Variants in WDR7 observed in about 807,000 individuals in gnomAD.
WDR7 encodes WD repeat-containing protein 7.
WDR7 carries 46 observed loss-of-function variants against 169.4 expected under a neutral mutation model. The ratio of observed to expected loss-of-function variants is 0.27; its 90% CI spans 0.21 to 0.35. The LOEUF is 0.35. WDR7 is among the 10% of genes least tolerant of loss of function. WDR7 has a pLI of 1.00. For synonymous variants in WDR7, 612 were observed against 666.8 expected, an observed-to-expected ratio of 0.92 and a Z score of 1.27; for missense variants, 1,534 against 1,859.3, an observed-to-expected ratio of 0.83 and a Z score of 3.22.
At chr18:56,864,239 A>G (rs1028786182) in intron 20 of WDR7, among the ~76,000 whole-genome samples, 5 of 151,786 alleles carry the variant, frequency 3.3e-5, no homozygotes, top group Admixed American at 2.0e-4. Flanking sequence ...AATAGCTAAA[A>G]TATACTTTTA....
intron 5 of WDR7, among the ~76,000 whole-genome samples, chr18:56,684,873 A>G (rs114666397): frequency 6.6e-6 from 1 of 152,368 alleles, no homozygotes; most frequent in African/African-American, 2.4e-5. Flanking sequence ...ATTCCTAAGC[A>G]TAACAGTGAG....
chr18:56,899,296 T>C (rs1222465257), intron 21 of WDR7, among the ~76,000 whole-genome samples: 1 of 152,062 alleles, frequency 6.6e-6, no homozygotes, highest in African/African-American at 2.4e-5. Context: ...ACTTTATCCA[T>C]GTCCATTAAG....
At chr18:56,740,535 T>G (rs1190149880) in intron 14 of WDR7, among the ~76,000 whole-genome samples, 1 of 152,154 alleles carries the variant, frequency 6.6e-6, no homozygotes, top group East Asian at 1.9e-4. Flanking sequence ...GGCTCACCCT[T>G]TCTCTGCTGT....
chr18:56,775,270 G>A (rs1395055549), intron 16 of WDR7, among the ~76,000 whole-genome samples: 2 of 152,012 alleles, frequency 1.3e-5, no homozygotes, highest in Non-Finnish European at 2.9e-5. Flanking sequence ...GTGAAATTAT[G>A]GAAAAGTCCT....
chr18:56,848,157 C>G (rs2045593217), intron 20 of WDR7, among the ~76,000 whole-genome samples: 1 of 152,196 alleles, frequency 6.6e-6, no homozygotes, highest in East Asian at 1.9e-4. Context: ...GCGAGCCTAC[C>G]CCTTGCACAG....
At chr18:56,773,797 T>A (rs1485364210) in intron 16 of WDR7, among the ~76,000 whole-genome samples, 2 of 152,136 alleles carry the variant, frequency 1.3e-5, no homozygotes, top group African/African-American at 4.8e-5. Context: ...ATATCTGGAC[T>A]AGATGCAGAC....
intron 19 of WDR7, among the ~76,000 whole-genome samples, chr18:56,797,742 T>TTATC (rs1253169695): frequency 6.6e-6 from 1 of 151,178 alleles, no homozygotes; most frequent in Non-Finnish European, 1.5e-5. Flanking sequence ...GAATACACTT[T>TTATC]TATCTATCTA....
At chr18:56,910,105 A>C (rs78580530) in intron 21 of WDR7, among the ~76,000 whole-genome samples, 98 of 152,312 alleles carry the variant, frequency 6.4e-4, no homozygotes, top group African/African-American at 2.2e-3. Context: ...TCAAACTTAC[A>C]TAATAACAAA....
At chr18:56,677,165 T>C (rs1301553018) in intron 2 of WDR7, among the ~76,000 whole-genome samples, 1 of 152,186 alleles carries the variant, frequency 6.6e-6, no homozygotes, top group Non-Finnish European at 1.5e-5. Context: ...GTAGGATAGG[T>C]CTAGGATTGA....
intron 25 of WDR7, among the ~76,000 whole-genome samples, chr18:56,945,276 GTGC>G (rs2047087976): frequency 6.6e-6 from 1 of 152,138 alleles, no homozygotes; most frequent in Non-Finnish European, 1.5e-5. Context: ...AGGGGCCAAC[GTGC>G]AAAGAAGAGT....
At chr18:56,917,025 G>A (rs1010546088) in intron 21 of WDR7, among the ~76,000 whole-genome samples, 5 of 152,074 alleles carry the variant, frequency 3.3e-5, no homozygotes, top group African/African-American at 7.2e-5. Context: ...GTGAAACCCT[G>A]TCTGTACTAA....
intron 21 of WDR7, among the ~76,000 whole-genome samples, chr18:56,917,501 A>G (rs1396445933): frequency 6.6e-6 from 1 of 152,250 alleles, no homozygotes; most frequent in Non-Finnish European, 1.5e-5. Context: ...ATGTTCCAAA[A>G]AAGAAATTCA....
chr18:56,962,862 A>G (rs553343728), intron 26 of WDR7, among the ~76,000 whole-genome samples: 13 of 152,270 alleles, frequency 8.5e-5, no homozygotes, highest in Admixed American at 1.3e-4. Context: ...ATGATATGTT[A>G]TTATGATATA....
chr18:56,700,046 A>G (rs1304892733), intron 12 of WDR7: 1 of 224,152 alleles, frequency 4.5e-6, no homozygotes. Flanking sequence ...GTGGTTTTGT[A>G]TGCTTTATTT....
At position 56,853,289 on chromosome 18, in the gene WDR7, G is replaced by A. The variant is rs971569985; in HGVS notation, c.3305-26655G>A. Among the ~76,000 whole-genome samples the A allele has an allele frequency of 4.6e-5, 7 of 151,984 alleles. No homozygotes were observed. In the East Asian group the frequency reaches 1.3e-3, roughly 29 times the overall value. On this transcript the variant is annotated intron_variant, in intron 20 of 27. Transcript: ENST00000254442. ...GGGAATTTTATAGGGAAAATTGTGCGATTTTGTGTCCTAGTGTTTTATTCC... is the reference window on the plus strand; with the variant it reads ...GGGAATTTTATAGGGAAAATTGTGCAATTTTGTGTCCTAGTGTTTTATTCC...
intron 12 of WDR7, among the ~76,000 whole-genome samples, chr18:56,698,857 C>T (rs1191197093): frequency 1.3e-5 from 2 of 151,992 alleles, no homozygotes; most frequent in Non-Finnish European, 2.9e-5. Flanking sequence ...TTAGTTATTA[C>T]ATGCTTAACA....
chr18:56,869,158 G>C (rs1394321863), intron 20 of WDR7, among the ~76,000 whole-genome samples: 1 of 152,108 alleles, frequency 6.6e-6, no homozygotes, highest in Non-Finnish European at 1.5e-5. Flanking sequence ...CACCTTCAGA[G>C]GAGTGATTAT....
At position 56,681,382 on chromosome 18, in the gene WDR7, T is replaced by G; in HGVS notation, c.336T>G (p.Thr112=). Residue 112 remains threonine (T), a synonymous_variant, in exon 4 of 28, where the codon ACT becomes ACG. Transcript: ENST00000254442. ...TTACAAAATTAGCTTGCACACATACTGGCATACAGGTTAGTTTCTATTTCT... is the reference window on the plus strand; with the variant it reads ...TTACAAAATTAGCTTGCACACATACGGGCATACAGGTTAGTTTCTATTTCT... The part of the protein sequence containing the change: ...IEFTKLACTH[T]GIQFYQFSVG... 1 of 1,585,264 alleles carries G rather than the reference T, an allele frequency of 6.3e-7. No individual in the cohort carries two copies. The highest frequency in any genetic ancestry group is 1.2e-5 in the South Asian group (1 of 85,422).
At chr18:56,723,850 A>G (rs1175640583) in intron 13 of WDR7, among the ~76,000 whole-genome samples, 1 of 151,960 alleles carries the variant, frequency 6.6e-6, no homozygotes, top group Admixed American at 6.6e-5. Flanking sequence ...GTTGTTCTTC[A>G]GCTCACTGTG....
Sources: allele counts gnomAD v4.1 joint callset (sites outside exome capture counted in the v4.1 genomes callset), GRCh38; gene constraint gnomAD v4.1.1; transcripts MANE v1.5; gene names NCBI Gene and HGNC (gene_info 2026-07-23, HGNC 2026-07-21).